TAFA5: variants seen among roughly 807,000 people sequenced by gnomAD.
TAFA5 encodes TAFA chemokine like family member 5.
In TAFA5, 6 loss-of-function variants were observed where a neutral mutation model predicts 15.3. The observed-to-expected ratio is 0.39, with a 90% CI of 0.21 to 0.77. The LOEUF (loss-of-function observed/expected upper bound fraction) is 0.77, where lower values mean the gene tolerates loss of function less well. TAFA5 is among the 30% of genes least tolerant of loss of function. TAFA5 has a pLI of 0.41. For synonymous variants in TAFA5, 103 were observed against 80.7 expected (o/e 1.28, Z -1.48); for missense variants, 161 against 193.1 (o/e 0.83, Z 0.98).
chr22:48,683,381 G>A (rs1423508649), intron 2 of TAFA5, among the ~76,000 whole-genome samples: 1 of 152,242 alleles, frequency 6.6e-6, no homozygotes. Context: ...GCTGGGCACT[G>A]TGCCCTTTCA....
chr22:48,693,620 G>A (rs535276981), intron 2 of TAFA5, among the ~76,000 whole-genome samples: 11 of 152,280 alleles, frequency 7.2e-5, no homozygotes, highest in South Asian at 6.2e-4. Context: ...CCTTCGTCCC[G>A]TCCTGCCCCG....
At chr22:48,547,972 T>C (rs1490235419) in intron 1 of TAFA5, among the ~76,000 whole-genome samples, 1 of 152,220 alleles carries the variant, frequency 6.6e-6, no homozygotes, top group Non-Finnish European at 1.5e-5. Flanking sequence ...GCCCTGGCCC[T>C]GTCCTCCAGC....
At chr22:48,747,979 G>A (rs1166036388) in intron 3 of TAFA5, among the ~76,000 whole-genome samples, 2 of 152,068 alleles carry the variant, frequency 1.3e-5, no homozygotes, top group Non-Finnish European at 1.5e-5. Context: ...GAAACTTCTA[G>A]TGAGGAAGAG....
chr22:48,537,513 C>T (rs567388805), intron 1 of TAFA5, among the ~76,000 whole-genome samples: 17 of 152,360 alleles, frequency 1.1e-4, no homozygotes, highest in African/African-American at 3.4e-4. Flanking sequence ...ACTCAGCATG[C>T]GGCCCTGGCC....
intron 1 of TAFA5, among the ~76,000 whole-genome samples, chr22:48,580,866 A>G (rs1450315615): frequency 1.3e-5 from 2 of 152,124 alleles, no homozygotes; most frequent in Admixed American, 6.5e-5. Flanking sequence ...GGGCTTCCCT[A>G]GCCCACTTCC....
intron 2 of TAFA5, among the ~76,000 whole-genome samples, chr22:48,699,459 A>C (rs1048395932): frequency 6.6e-6 from 1 of 152,170 alleles, no homozygotes; most frequent in Non-Finnish European, 1.5e-5. Flanking sequence ...TCTCGGTGAC[A>C]GGGCACTGGC....
At chr22:48,541,034 G>T (rs1922352037) in intron 1 of TAFA5, among the ~76,000 whole-genome samples, 2 of 152,178 alleles carry the variant, frequency 1.3e-5, no homozygotes, top group Admixed American at 1.3e-4. Flanking sequence ...CTGGGCTGAG[G>T]AACCTGTTCA....
intron 1 of TAFA5, among the ~76,000 whole-genome samples, chr22:48,564,791 T>C (rs1923355262): frequency 6.6e-6 from 1 of 152,168 alleles, no homozygotes; most frequent in Admixed American, 6.5e-5. Flanking sequence ...GGGGGTTCCA[T>C]CAACTTTTGC....
At chr22:48,499,394 C>T (rs376339395) in intron 1 of TAFA5, among the ~76,000 whole-genome samples, 27 of 152,282 alleles carry the variant, frequency 1.8e-4, no homozygotes, top group Middle Eastern at 3.4e-3. Context: ...GTGTCTACAG[C>T]CCGCATTTCC....
intron 1 of TAFA5, among the ~76,000 whole-genome samples, chr22:48,522,667 G>A (rs1421300987): frequency 6.6e-6 from 1 of 152,208 alleles, no homozygotes; most frequent in Non-Finnish European, 1.5e-5. Flanking sequence ...TCCCTTCACA[G>A]CCCAGGCCAT....
intron 1 of TAFA5, among the ~76,000 whole-genome samples, chr22:48,519,936 A>T (rs1183995042): frequency 6.6e-6 from 1 of 152,118 alleles, no homozygotes; most frequent in Non-Finnish European, 1.5e-5. Context: ...ATGTGACTTT[A>T]CTTGGAAATT....
intron 1 of TAFA5, 38 bp from the exon 2 acceptor site, chr22:48,646,559 A>G (rs1368525412): frequency 6.2e-7 from 1 of 1,605,070 alleles, no homozygotes; most frequent in East Asian, 2.2e-5. Context: ...GGTGTCTGTA[A>G]CGTGTGGCCG....
chr22:48,609,692 G>C (rs1265171034), intron 1 of TAFA5, among the ~76,000 whole-genome samples: 1 of 152,212 alleles, frequency 6.6e-6, no homozygotes, highest in African/African-American at 2.4e-5. Context: ...CCACAGGCCA[G>C]GCAGCCTCTA....
At chr22:48,662,115 T>A (rs1927463078) in intron 2 of TAFA5, among the ~76,000 whole-genome samples, 1 of 152,150 alleles carries the variant, frequency 6.6e-6, no homozygotes, top group South Asian at 2.1e-4. Context: ...TGTGAATACC[T>A]GGAAGCCAGC....
At chr22:48,649,314 G>A (rs571803339) in intron 2 of TAFA5, among the ~76,000 whole-genome samples, 1 of 152,258 alleles carries the variant, frequency 6.6e-6, no homozygotes, top group South Asian at 2.1e-4. Flanking sequence ...GTATGCCACT[G>A]GCCCTCCGGC....
At chr22:48,592,100 C>T (rs1411071686) in intron 1 of TAFA5, among the ~76,000 whole-genome samples, 3 of 151,950 alleles carry the variant, frequency 2.0e-5, no homozygotes, top group Non-Finnish European at 2.9e-5. Flanking sequence ...CAGCCTTGGT[C>T]GGGCCCCACC....
At chr22:48,525,146 C>G (rs1267423800) in intron 1 of TAFA5, among the ~76,000 whole-genome samples, 1 of 152,192 alleles carries the variant, frequency 6.6e-6, no homozygotes, top group Non-Finnish European at 1.5e-5. Flanking sequence ...ATCCCAAGAC[C>G]CTTGACTTAA....
chr22:48,725,539 A>G (rs112648800), intron 3 of TAFA5, among the ~76,000 whole-genome samples: 6 of 152,314 alleles, frequency 3.9e-5, no homozygotes, highest in African/African-American at 4.8e-5. Flanking sequence ...AAGGTGAGGC[A>G]GGACCTGGAA....
chr22:48,747,033 C>T (rs1291141441), intron 3 of TAFA5, among the ~76,000 whole-genome samples: 1 of 152,202 alleles, frequency 6.6e-6, no homozygotes, highest in African/African-American at 2.4e-5. Flanking sequence ...GAGTGGTTCA[C>T]AGGCTAGGAG....
Sources: gnomAD v4.1 joint callset for allele counts (sites outside exome capture counted in the v4.1 genomes callset) on GRCh38, gnomAD v4.1.1 for gene constraint, MANE v1.5 for transcripts, NCBI Gene and HGNC (gene_info 2026-07-23, HGNC 2026-07-21) for gene names.